The following CD58 variants were observed in gnomAD, a reference collection of about 807,000 sequenced individuals.
CD58 encodes the protein lymphocyte function-associated antigen 3.
In CD58, 14 loss-of-function variants were observed where a neutral mutation model predicts 27.6. The ratio of observed to expected loss-of-function variants is 0.51; its 90% CI spans 0.34 to 0.79. The LOEUF (loss-of-function observed/expected upper bound fraction) is 0.79. Among genes scored for constraint, CD58 ranks in the 30% least tolerant of loss-of-function variants. The pLI is 0.02. For missense variants in CD58, 268 were observed against 301.7 expected, an observed-to-expected ratio of 0.89 and a Z score of 0.83; for synonymous variants, 117 against 103.8, an observed-to-expected ratio of 1.13 and a Z score of -0.77.
chr1:116,537,484 C>G, intron 2 of CD58, among the ~76,000 whole-genome samples: 1 of 152,204 alleles, frequency 6.6e-6, no homozygotes. Context: ...TGGAGCTACA[C>G]AGAGCCTTGT....
chr1:116,535,835 T>C (rs1657778788), intron 3 of CD58, 130 bp downstream of exon 3: 4 of 455,330 alleles, frequency 8.8e-6, no homozygotes, highest in Non-Finnish European at 1.2e-5. Flanking sequence ...AGCGAGACTC[T>C]GTCTCAAAAA....
chr1:116,549,894 G>C (rs1323180232), intron 1 of CD58, among the ~76,000 whole-genome samples: 1 of 152,166 alleles, frequency 6.6e-6, no homozygotes, highest in Non-Finnish European at 1.5e-5. Context: ...AGAGTAAAGT[G>C]TGTCACACAA....
rs1241866698 is a variant in CD58, at chr1:116,521,401, T to C, written c.706+505A>G. Among the ~76,000 whole-genome samples, 3 of 152,176 alleles carry C rather than the reference T, an allele frequency of 2.0e-5. No homozygotes were observed. The highest frequency in any genetic ancestry group is 4.4e-5 in the Non-Finnish European group (3 of 68,030). On this transcript the variant is annotated intron_variant, in intron 4 of 5. Coordinates refer to ENST00000369489, the MANE Select transcript of CD58 (RefSeq NM_001779.3). This position sits in a 1 kb window ranked among gnomAD's most constrained non-coding sequence, Gnocchi z 5.6. The stretch of plus-strand genomic sequence containing the variant: ...GGGAACAAATTCTCCAAGTCATCAG[T>C]TCTCCAAGCTGTATGACTGCCCAAG...
At position 116,515,151 on chromosome 1, in the gene CD58, A is replaced by G. The variant is rs1657034974; in HGVS notation, c.744-329T>C. On this transcript the variant is annotated intron_variant, in intron 5 of 5. Transcript: ENST00000369489. The surrounding 1 kb of genome is among the most constrained non-coding windows in gnomAD (Gnocchi z 4.6). Reference sequence around the variant, plus strand: ...CACATGTAAACTGTCACCCATTTGTAACAGCTACTTCCTTCTTTGCTACAT... The same window carrying G: ...CACATGTAAACTGTCACCCATTTGTGACAGCTACTTCCTTCTTTGCTACAT... Among the ~76,000 whole-genome samples, 2 of 152,238 alleles carry G rather than the reference A, an allele frequency of 1.3e-5. No homozygotes were observed. Among genetic ancestry groups the G allele is most frequent in the Non-Finnish European group, 2.9e-5 (2 of 68,038 alleles).
At position 116,546,835 on chromosome 1, in the gene CD58, C is replaced by T. The variant is rs1311905138; in HGVS notation, c.71-2231G>A. On this transcript the variant is annotated intron_variant, in intron 1 of 5. Transcript: ENST00000369489. The surrounding 1 kb of genome is among the most constrained non-coding windows in gnomAD (Gnocchi z 4.1). Reference sequence around the variant, plus strand: ...CATGGGTTTGAGCTGTGTGGGTCCACTTACATGTGGATTTTCTTCCGCCTC... The same window carrying T: ...CATGGGTTTGAGCTGTGTGGGTCCATTTACATGTGGATTTTCTTCCGCCTC... Among the ~76,000 whole-genome samples the T allele has an allele frequency of 2.0e-5, 3 of 152,104 alleles. No homozygotes were observed. The highest frequency in any genetic ancestry group is 2.9e-5 in the Non-Finnish European group (2 of 68,022).
At position 116,570,224 on chromosome 1, in the gene CD58, T is replaced by G. The variant is rs1325912158; in HGVS notation, c.70+679A>C. Among the ~76,000 whole-genome samples, 2 of 152,174 alleles carry G rather than the reference T, an allele frequency of 1.3e-5. No individual in the cohort carries two copies. Among genetic ancestry groups the G allele is most frequent in the African/African-American group, 4.8e-5 (2 of 41,432 alleles). On this transcript the variant is annotated intron_variant, in intron 1 of 5. Coordinates refer to ENST00000369489, the MANE Select transcript of CD58 (RefSeq NM_001779.3). The surrounding 1 kb of genome is among the most constrained non-coding windows in gnomAD (Gnocchi z 6.4). ...AAGAAGGGGACCTATTTCCTGAGGT[T>G]GTTGTGACGACTTGGCTGACAACAC...
chr1:116,538,658 C>T lies in CD58; in HGVS notation c.365-2430G>A, dbSNP rs955758239. Among the ~76,000 whole-genome samples the T allele has an allele frequency of 1.3e-5, 2 of 152,212 alleles. No individual in the cohort carries two copies. The highest frequency in any genetic ancestry group is 4.8e-5 in the African/African-American group (2 of 41,460). On this transcript the variant is annotated intron_variant, in intron 2 of 5. Transcript: ENST00000369489. The surrounding 1 kb of genome is among the most constrained non-coding windows in gnomAD (Gnocchi z 4.7). The stretch of plus-strand genomic sequence containing the variant: ...TGCAGATTCTAATGTATTGATCTAG[C>T]TCTGCCAATGTCTAGTCTTTCATCC...
chr1:116,568,536 C>G lies in CD58; in HGVS notation c.70+2367G>C, dbSNP rs971453271. Among the ~76,000 whole-genome samples the G allele has an allele frequency of 2.6e-4, 39 of 152,322 alleles. 1 individual carries two copies. The highest frequency in any genetic ancestry group is 8.4e-4 in the African/African-American group (35 of 41,562). ...AAATGTTTACTTTATCACCATCCAGCATCCATGTTTTTACTCATTTACTTA... is the reference window on the plus strand; with the variant it reads ...AAATGTTTACTTTATCACCATCCAGGATCCATGTTTTTACTCATTTACTTA... On this transcript the variant is annotated intron_variant, in intron 1 of 5. Transcript: ENST00000369489.
In CD58 at chr1:116,516,598, A is replaced by T. The variant is rs1054721232; in HGVS notation, c.744-1776T>A. Among the ~76,000 whole-genome samples the T allele has an allele frequency of 2.0e-5, 3 of 152,118 alleles. No individual in the cohort carries two copies. Among genetic ancestry groups the T allele is most frequent in the Non-Finnish European group, 4.4e-5 (3 of 68,024 alleles). ...CTTACTATCAAATAAATCACAACAG[A>T]TTTAATTCCCTCTCATGTATTTGCC... On this transcript the variant is annotated intron_variant, in intron 5 of 5. Coordinates refer to ENST00000369489, the MANE Select transcript of CD58 (RefSeq NM_001779.3). This position sits in a 1 kb window ranked among gnomAD's most constrained non-coding sequence, Gnocchi z 6.1.
Position 116,521,578 on chromosome 1 carries a change from G to A in CD58, c.706+328C>T, listed in dbSNP as rs1319988016. Among the ~76,000 whole-genome samples, 1 of 152,140 alleles carries A rather than the reference G, an allele frequency of 6.6e-6. No homozygotes were observed. Among genetic ancestry groups the A allele is most frequent in the East Asian group, 1.9e-4 (1 of 5,188 alleles). ...ATTACAGAGGTGGCAGCCTAAAGAGGTCTTTAGCAAACTCTGACTTGGAGA... is the reference window on the plus strand; with the variant it reads ...ATTACAGAGGTGGCAGCCTAAAGAGATCTTTAGCAAACTCTGACTTGGAGA... On this transcript the variant is annotated intron_variant, in intron 4 of 5. Transcript: ENST00000369489. The surrounding 1 kb of genome is among the most constrained non-coding windows in gnomAD (Gnocchi z 5.6).
At position 116,559,154 on chromosome 1, in the gene CD58, G is replaced by A. The variant is rs1435871933; in HGVS notation, c.70+11749C>T. Among the ~76,000 whole-genome samples, 4 of 152,148 alleles carry A rather than the reference G, an allele frequency of 2.6e-5. No individual in the cohort carries two copies. The highest frequency in any genetic ancestry group is 4.4e-5 in the Non-Finnish European group (3 of 68,020). Reference sequence around the variant, plus strand: ...TAAGGAAAGGAGTTGGATGGCATGGGGGGCAGTCATAAGTTGGCATCTGAG... The same window carrying A: ...TAAGGAAAGGAGTTGGATGGCATGGAGGGCAGTCATAAGTTGGCATCTGAG... On this transcript the variant is annotated intron_variant, in intron 1 of 5. Coordinates refer to ENST00000369489, the MANE Select transcript of CD58 (RefSeq NM_001779.3). This position sits in a 1 kb window ranked among gnomAD's most constrained non-coding sequence, Gnocchi z 4.4.
At chr1:116,551,729 T>G (rs1658400007) in intron 1 of CD58, among the ~76,000 whole-genome samples, 1 of 149,776 alleles carries the variant, frequency 6.7e-6, no homozygotes, top group African/African-American at 2.5e-5. Context: ...TTTTTTTTTT[T>G]CTTTCTTTCT....
In CD58 at chr1:116,541,152, A is replaced by C. The variant is rs1316528376; in HGVS notation, c.364+3159T>G. On this transcript the variant is annotated intron_variant, in intron 2 of 5. Transcript: ENST00000369489. This position sits in a 1 kb window ranked among gnomAD's most constrained non-coding sequence, Gnocchi z 5.3. ...TTTAAAACAGTTCATCAAGTTTAAG[A>C]GGAGAAATTTATTCAAATGTTTTGA... Among the ~76,000 whole-genome samples the C allele has an allele frequency of 6.6e-6, 1 of 152,162 alleles. No homozygotes were observed.
chr1:116,565,667 G>C (rs911151052), intron 1 of CD58, among the ~76,000 whole-genome samples: 7 of 150,404 alleles, frequency 4.7e-5, no homozygotes, highest in East Asian at 1.9e-4. Context: ...GTTTAAGAAG[G>C]GTAGTTAGAA....
At chr1:116,565,630 AC>A (rs1262933215) in intron 1 of CD58, among the ~76,000 whole-genome samples, 9 of 152,088 alleles carry the variant, frequency 5.9e-5, no homozygotes, top group African/African-American at 1.7e-4. Context: ...AAAATGAGAT[AC>A]AAAAAAATAC....
chr1:116,568,269 G>C (rs900137016), intron 1 of CD58, among the ~76,000 whole-genome samples: 1 of 152,060 alleles, frequency 6.6e-6, no homozygotes, highest in African/African-American at 2.4e-5. Flanking sequence ...TTACAGGTGA[G>C]GTGTCATGAG....
chr1:116,555,374 G>A (rs1010913221), intron 1 of CD58, among the ~76,000 whole-genome samples: 1 of 152,122 alleles, frequency 6.6e-6, no homozygotes, highest in East Asian at 1.9e-4. Flanking sequence ...CTTTTAATGA[G>A]TTAGGTCAAC....
In CD58 at chr1:116,528,518, T is replaced by G. The variant is rs1657495574; in HGVS notation, c.629-6535A>C. ...TCAGGTCGGAACTGAACAATGTTTC[T>G]TTTATGTTCTTGGTCCATAAATGTG... On this transcript the variant is annotated intron_variant, in intron 3 of 5. Coordinates refer to ENST00000369489, the MANE Select transcript of CD58 (RefSeq NM_001779.3). This position sits in a 1 kb window ranked among gnomAD's most constrained non-coding sequence, Gnocchi z 4.4. Among the ~76,000 whole-genome samples the G allele has an allele frequency of 6.6e-6, 1 of 152,214 alleles. No individual in the cohort carries two copies. Among genetic ancestry groups the G allele is most frequent in the South Asian group, 2.1e-4 (1 of 4,830 alleles).
At chr1:116,518,707 G>T in intron 5 of CD58, 1 of 989,634 alleles carries the variant, frequency 1.0e-6, no homozygotes, top group Non-Finnish European at 1.2e-6. Context: ...CCCTACGGCG[G>T]TTTATTAAAC....
Sources: allele counts gnomAD v4.1 joint callset (sites outside exome capture counted in the v4.1 genomes callset), GRCh38; gene constraint gnomAD v4.1.1; non-coding constraint Gnocchi (gnomAD v3.1); transcripts MANE v1.5; gene names NCBI Gene and HGNC (gene_info 2026-07-23, HGNC 2026-07-21).